IQGAP1: variants seen among roughly 807,000 people sequenced by gnomAD.
IQGAP1 encodes ras GTPase-activating-like protein IQGAP1.
In IQGAP1, 66 loss-of-function variants were observed where a neutral mutation model predicts 215.6. The ratio of observed to expected loss-of-function variants is 0.31; its 90% CI spans 0.25 to 0.38. The LOEUF (loss-of-function observed/expected upper bound fraction) is 0.38. Ranked by LOEUF, IQGAP1 falls within the 10% of genes least tolerant of loss-of-function variation. IQGAP1 has a pLI of 1.00. For synonymous variants in IQGAP1, 772 were observed against 728.7 expected (o/e 1.06, Z -0.96); for missense variants, 1,712 against 1,997.1 (o/e 0.86, Z 2.72).
At position 90,467,541 on chromosome 15, in the gene IQGAP1, A is replaced by G; in HGVS notation, c.2127A>G (p.Glu709=). The change falls in exon 18 of 38, where the codon GAA becomes GAG. Residue 709 remains glutamate, a synonymous_variant. Transcript: ENST00000268182. ...AGACCCAGGAAGGAGGATGGGATGA[A>G]CCTCCAAATTTTGTGCAAAATTCTA... ...NLETQEGGWD[E]PPNFVQNSMQ... The G allele has an allele frequency of 6.2e-7, 1 of 1,612,634 alleles. No homozygotes were observed. The highest frequency in any genetic ancestry group is 1.7e-5 in the Admixed American group (1 of 59,832).
At chr15:90,395,611 C>T (rs920270685) in intron 2 of IQGAP1, among the ~76,000 whole-genome samples, 22 of 152,170 alleles carry the variant, frequency 1.4e-4, no homozygotes, top group Non-Finnish European at 1.6e-4. Flanking sequence ...TGAGCCACTG[C>T]GCCCGGCCGG....
At chr15:90,467,387 C>G (rs1466963580) in intron 17 of IQGAP1, 63 bp from the exon 18 acceptor site, 2 of 1,512,530 alleles carry the variant, frequency 1.3e-6, no homozygotes, top group Non-Finnish European at 1.8e-6. Flanking sequence ...TCCTGCAGTT[C>G]TGGACGTACA....
In IQGAP1 at chr15:90,466,049, G is replaced by A. The variant is rs1965826004; in HGVS notation, c.1825G>A (p.Gly609Arg). The change falls in exon 16 of 38, where the codon GGA (glycine) becomes AGA (arginine). Residue 609 changes from glycine to arginine, a missense_variant. Physicochemically the swap from Gly to Arg is moderately radical, Grantham distance 125. Around this residue, in one of 2 missense-constraint regions of IQGAP1, gnomAD observed 1,021 missense variants for 1,074.2 expected, o/e 0.95. Coordinates refer to ENST00000268182, the MANE Select transcript of IQGAP1 (RefSeq NM_003870.4). ...AVLWLDEIQGGIWQSNKDTQE... is the reference protein window; with the variant it reads ...AVLWLDEIQGRIWQSNKDTQE... ...GTTATGGTTGGATGAAATTCAAGGT[G>A]GAATCTGGCAGTCCAACAAAGACAC... 2 of 1,613,960 alleles carry A rather than the reference G, an allele frequency of 1.2e-6. No individual in the cohort carries two copies. The highest frequency in any genetic ancestry group is 2.2e-5 in the South Asian group (2 of 91,080).
intron 2 of IQGAP1, among the ~76,000 whole-genome samples, chr15:90,399,086 C>T (rs548273473): frequency 6.6e-6 from 1 of 150,806 alleles, no homozygotes; most frequent in African/African-American, 2.4e-5. Context: ...TTCTCAAGTA[C>T]CTGGGACTAT....
chr15:90,463,105 A>G (rs539227072), intron 15 of IQGAP1, among the ~76,000 whole-genome samples: 3 of 152,252 alleles, frequency 2.0e-5, no homozygotes, highest in African/African-American at 7.2e-5. Context: ...CATTCTGGTG[A>G]GGGGCTTTTC....
intron 5 of IQGAP1, among the ~76,000 whole-genome samples, chr15:90,438,495 C>T (rs1256984249): frequency 1.3e-5 from 2 of 151,996 alleles, no homozygotes; most frequent in African/African-American, 4.8e-5. Flanking sequence ...AAATAATTTT[C>T]ACCAACCTGA....
intron 2 of IQGAP1, among the ~76,000 whole-genome samples, chr15:90,397,602 C>T (rs1467010879): frequency 5.3e-5 from 8 of 149,806 alleles, no homozygotes; most frequent in African/African-American, 1.5e-4. Flanking sequence ...CTGCAACCTC[C>T]GCCTCCCAGG....
At chr15:90,494,265 T>TC (rs1431366154) in intron 35 of IQGAP1, 1 of 152,020 alleles carries the variant, frequency 6.6e-6, no homozygotes, top group African/African-American at 2.4e-5. Flanking sequence ...TTTTCATTCA[T>TC]CTGTAATTGC....
chr15:90,501,785 C>T lies in IQGAP1; in HGVS notation c.*1677C>T, dbSNP rs922895344. 1 of 152,176 alleles carries T rather than the reference C, an allele frequency of 6.6e-6. No homozygotes were observed. The highest frequency in any genetic ancestry group is 2.4e-5 in the African/African-American group (1 of 41,436). The allele number at this position is 152,176 out of a possible 1,614,324, so 9.4% of individuals were successfully genotyped here. A position where few individuals can be genotyped will look rare whatever the true frequency, so the allele number is the denominator to read the frequency against. On this transcript the variant is annotated 3_prime_UTR_variant, in exon 38 of 38. Coordinates refer to ENST00000268182, the MANE Select transcript of IQGAP1 (RefSeq NM_003870.4). Reference sequence around the variant, plus strand: ...CTAGCATTGCCTCAAAAACTGGGACCAACCAAAGTGTGTCAACCCTGTTTC... The same window carrying T: ...CTAGCATTGCCTCAAAAACTGGGACTAACCAAAGTGTGTCAACCCTGTTTC...
chr15:90,433,643 G>A (rs554401719), intron 4 of IQGAP1, 76 bp from the exon 5 acceptor site: 65 of 897,892 alleles, frequency 7.2e-5, no homozygotes, highest in Admixed American at 3.8e-4. Flanking sequence ...GTTTGATTTG[G>A]ATTATTGATG....
chr15:90,400,306 C>A (rs1043105506), intron 2 of IQGAP1, among the ~76,000 whole-genome samples: 14 of 152,162 alleles, frequency 9.2e-5, no homozygotes, highest in African/African-American at 3.4e-4. Flanking sequence ...TCTTTTGTTG[C>A]ACTGACTTGA....
chr15:90,485,905 T>A, intron 30 of IQGAP1, 125 bp from the exon 31 acceptor site: 1 of 665,990 alleles, frequency 1.5e-6, no homozygotes, highest in Non-Finnish European at 2.6e-6. Flanking sequence ...GAGGATTTGC[T>A]TGTTGTTTCT....
Position 90,466,398 on chromosome 15 carries a change from G to A in IQGAP1, c.1997G>A (p.Ser666Asn). Residue 666 changes from serine (S) to asparagine (N), a missense_variant, in exon 17 of 38, where the codon AGT becomes AAT. Transcript: ENST00000268182. ...CCTGAGTGTGGTGAAACTTACCACAGTGATCTTGCTGAAGCCAAGAAGAAA... is the reference window on the plus strand; with the variant it reads ...CCTGAGTGTGGTGAAACTTACCACAATGATCTTGCTGAAGCCAAGAAGAAA... ...VIPECGETYHSDLAEAKKKKL... is the reference protein window; with the variant it reads ...VIPECGETYHNDLAEAKKKKL... The A allele has an allele frequency of 6.2e-7, 1 of 1,614,164 alleles. No homozygotes were observed. The highest frequency in any genetic ancestry group is 8.5e-7 in the Non-Finnish European group (1 of 1,180,020).
At chr15:90,483,733 A>G (rs965693611) in intron 29 of IQGAP1, 140 bp downstream of exon 29, 3 of 631,800 alleles carry the variant, frequency 4.7e-6, no homozygotes, top group Non-Finnish European at 8.3e-6. Flanking sequence ...CCAGGATTCC[A>G]GAAGATGATC....
At chr15:90,474,189 C>A in intron 22 of IQGAP1, 56 bp downstream of exon 22, 3 of 1,461,996 alleles carry the variant, frequency 2.1e-6, no homozygotes, top group African/African-American at 1.4e-5. Flanking sequence ...CCACCAAGTT[C>A]AGGGTATTCT....
intron 8 of IQGAP1, among the ~76,000 whole-genome samples, chr15:90,442,448 G>A (rs1965464760): frequency 7.7e-6 from 1 of 129,478 alleles, no homozygotes; most frequent in South Asian, 2.9e-4. Flanking sequence ...CCGTCTCGGG[G>A]GGGAAAAAAA....
At chr15:90,449,261 A>G (rs1250113486) in intron 10 of IQGAP1, among the ~76,000 whole-genome samples, 1 of 152,156 alleles carries the variant, frequency 6.6e-6, no homozygotes, top group Non-Finnish European at 1.5e-5. Context: ...TACGTTGGTC[A>G]AAGTAAGTAG....
At chr15:90,398,133 G>A (rs1021644069) in intron 2 of IQGAP1, among the ~76,000 whole-genome samples, 2 of 151,900 alleles carry the variant, frequency 1.3e-5, no homozygotes, top group African/African-American at 2.4e-5. Flanking sequence ...TGATCCACCC[G>A]CCTTGGCCTC....
intron 14 of IQGAP1, among the ~76,000 whole-genome samples, chr15:90,455,131 C>T (rs533567713): frequency 6.6e-6 from 1 of 152,306 alleles, no homozygotes; most frequent in African/African-American, 2.4e-5. Flanking sequence ...CTTCTGTGTT[C>T]TCAGGATGTG....
Sources: allele counts gnomAD v4.1 joint callset (sites outside exome capture counted in the v4.1 genomes callset), GRCh38; gene constraint gnomAD v4.1.1; regional missense constraint gnomAD v4.1.1; transcripts MANE v1.5; gene names NCBI Gene and HGNC (gene_info 2026-07-23, HGNC 2026-07-21).